The following TMEM150C variants were observed in gnomAD, a reference collection of about 807,000 sequenced individuals.
The protein encoded by TMEM150C is tentonin 3.
In TMEM150C, 10 loss-of-function variants were observed where a neutral mutation model predicts 29.9. The ratio of observed to expected loss-of-function variants is 0.33; its 90% confidence interval spans 0.21 to 0.57. TMEM150C has a LOEUF of 0.57. Ranked by LOEUF, TMEM150C falls within the 20% of genes least tolerant of loss-of-function variation. TMEM150C has a pLI of 0.88. For synonymous variants in TMEM150C, 101 were observed against 112.5 expected (o/e 0.90, Z 0.64); for missense variants, 251 against 303.6 (o/e 0.83, Z 1.29).
chr4:82,524,526 TACTC>T (rs1403912131), intron 1 of TMEM150C, among the ~76,000 whole-genome samples: 1 of 152,198 alleles, frequency 6.6e-6, no homozygotes, highest in Non-Finnish European at 1.5e-5. Flanking sequence ...TGCAGAAAAT[TACTC>T]AAGTAATTGT....
chr4:82,546,552 G>T (rs1249798287), intron 1 of TMEM150C, among the ~76,000 whole-genome samples: 1 of 152,178 alleles, frequency 6.6e-6, no homozygotes, highest in Non-Finnish European at 1.5e-5. Context: ...ACTGGGGCCG[G>T]GCGTGGTGGC....
At chr4:82,486,147 C>A (rs1213141387) in intron 7 of TMEM150C, among the ~76,000 whole-genome samples, 2 of 151,872 alleles carry the variant, frequency 1.3e-5, no homozygotes. Context: ...ACTCTAACTC[C>A]TGCGCCATGT....
chr4:82,530,841 A>G (rs1420091571), intron 1 of TMEM150C, among the ~76,000 whole-genome samples: 1 of 152,214 alleles, frequency 6.6e-6, no homozygotes, highest in Non-Finnish European at 1.5e-5. Flanking sequence ...TTATGGTGGA[A>G]GGCGAAGGGG....
At chr4:82,546,089 GACACA>G (rs1725377249) in intron 1 of TMEM150C, among the ~76,000 whole-genome samples, 1 of 152,152 alleles carries the variant, frequency 6.6e-6, no homozygotes, top group Non-Finnish European at 1.5e-5. Flanking sequence ...AATTACAGAT[GACACA>G]ACCATGGAAA....
rs533077838 is a variant in TMEM150C at position 82,483,643 on chromosome 4, T to C, written c.*1868A>G. The C allele has an allele frequency of 4.6e-5, 7 of 152,290 alleles. No individual in the cohort carries two copies. The highest frequency in any genetic ancestry group is 2.0e-4 in the Admixed American group (3 of 15,304). 9.4% of individuals were successfully genotyped at this position (152,290 alleles called of 1,614,324 possible). On this transcript the variant is annotated 3_prime_UTR_variant, in exon 8 of 8. Transcript: ENST00000449862. Reference sequence around the variant, plus strand: ...CTCCTTTTTCCTACTCTTAAATTATTAATAATTCTATTCAACAGACATTTA... The same window carrying C: ...CTCCTTTTTCCTACTCTTAAATTATCAATAATTCTATTCAACAGACATTTA...
chr4:82,508,570 G>T (rs907785795), intron 1 of TMEM150C, among the ~76,000 whole-genome samples: 4 of 151,668 alleles, frequency 2.6e-5, no homozygotes, highest in Admixed American at 6.6e-5. Flanking sequence ...GGTTCAAGTG[G>T]TTCTCCCACC....
At chr4:82,509,492 T>G (rs1412169467) in intron 1 of TMEM150C, among the ~76,000 whole-genome samples, 6 of 151,776 alleles carry the variant, frequency 4.0e-5, no homozygotes, top group Admixed American at 2.6e-4. Context: ...GAAAAGGGGG[T>G]CTTTATAAAG....
Position 82,502,622 on chromosome 4 carries a change from A to C in TMEM150C, c.235+105T>G, listed in dbSNP as rs536535957. 389 of 1,147,770 alleles carry C rather than the reference A, an allele frequency of 3.4e-4. 6 individuals carry two copies. The South Asian group carries it at 5.1e-3, about 15-fold the overall frequency. 71.1% of individuals were successfully genotyped at this position (1,147,770 alleles called of 1,614,324 possible). ...CAGCATATTGACATCGTATGATACT[A>C]AATGATCAAATAAGCCCCCCATTGT... On this transcript the variant is annotated intron_variant, in intron 5 of 7. Coordinates refer to ENST00000449862, the MANE Select transcript of TMEM150C (RefSeq NM_001080506.3).
At chr4:82,524,239 A>C (rs1489479390) in intron 1 of TMEM150C, among the ~76,000 whole-genome samples, 3 of 152,280 alleles carry the variant, frequency 2.0e-5, no homozygotes, top group African/African-American at 7.2e-5. Context: ...AAAACAAAAC[A>C]AAAACAACAC....
At chr4:82,553,471 G>A (rs1725645415) in intron 1 of TMEM150C, among the ~76,000 whole-genome samples, 1 of 152,186 alleles carries the variant, frequency 6.6e-6, no homozygotes, top group Non-Finnish European at 1.5e-5. Context: ...ATCCTTCTGT[G>A]ATGGCTATGG....
At chr4:82,551,909 G>A (rs1433789521) in intron 1 of TMEM150C, among the ~76,000 whole-genome samples, 1 of 152,196 alleles carries the variant, frequency 6.6e-6, no homozygotes, top group Non-Finnish European at 1.5e-5. Flanking sequence ...GATACCCAAT[G>A]TTAGCGGTGG....
At chr4:82,511,876 G>A (rs186233589) in intron 1 of TMEM150C, among the ~76,000 whole-genome samples, 3 of 152,228 alleles carry the variant, frequency 2.0e-5, no homozygotes, top group Admixed American at 6.5e-5. Flanking sequence ...TTCAGAGTCC[G>A]TTTATATCTT....
chr4:82,544,569 A>G lies in TMEM150C; in HGVS notation c.-11+17337T>C, dbSNP rs116690787. Among the ~76,000 whole-genome samples the G allele has an allele frequency of 4.6e-3, 705 of 152,280 alleles. 5 individuals are homozygous for G. Among genetic ancestry groups the G allele is most frequent in the African/African-American group, 0.016 (673 of 41,540 alleles). On this transcript the variant is annotated intron_variant, in intron 1 of 7. Transcript: ENST00000449862. Reference sequence around the variant, plus strand: ...CCAGGCAGGTGGATTCCTTGAGCCCAGGGGTTCGAGACCAGCCTGGGCAAC... The same window carrying G: ...CCAGGCAGGTGGATTCCTTGAGCCCGGGGGTTCGAGACCAGCCTGGGCAAC...
intron 1 of TMEM150C, among the ~76,000 whole-genome samples, chr4:82,522,825 G>A (rs1724529895): frequency 6.6e-6 from 1 of 152,168 alleles, no homozygotes; most frequent in African/African-American, 2.4e-5. Context: ...GGTAAGAGGG[G>A]ATTCTGGCTA....
intron 1 of TMEM150C, among the ~76,000 whole-genome samples, chr4:82,524,484 C>T (rs538642513): frequency 2.0e-4 from 31 of 152,260 alleles, no homozygotes; most frequent in African/African-American, 7.2e-4. Context: ...TTTTAAATCG[C>T]AAACAAATTA....
chr4:82,527,007 A>G (rs980325695), intron 1 of TMEM150C, among the ~76,000 whole-genome samples: 4 of 145,838 alleles, frequency 2.7e-5, no homozygotes, highest in Non-Finnish European at 6.0e-5. Context: ...CACCACCCAG[A>G]TCATACTGGG....
intron 1 of TMEM150C, among the ~76,000 whole-genome samples, chr4:82,540,894 C>G (rs961260340): frequency 3.9e-5 from 6 of 152,190 alleles, no homozygotes; most frequent in Non-Finnish European, 7.3e-5. Context: ...GTCATTAGCT[C>G]TAGTCACCAT....
At chr4:82,503,163 A>G in intron 2 of TMEM150C, 51 bp from the exon 3 acceptor site, 1 of 1,353,346 alleles carries the variant, frequency 7.4e-7, no homozygotes, top group Non-Finnish European at 1.0e-6. Flanking sequence ...AAAAAGAATC[A>G]TTTGTTTCCC....
intron 1 of TMEM150C, among the ~76,000 whole-genome samples, chr4:82,522,173 A>C (rs1724509442): frequency 6.6e-6 from 1 of 152,222 alleles, no homozygotes; most frequent in Non-Finnish European, 1.5e-5. Flanking sequence ...TACCACCCCC[A>C]TATTCTAACC....
Sources: allele counts gnomAD v4.1 joint callset (sites outside exome capture counted in the v4.1 genomes callset), GRCh38; gene constraint gnomAD v4.1.1; transcripts MANE v1.5; gene names NCBI Gene and HGNC (gene_info 2026-07-23, HGNC 2026-07-21).